The following CYSLTR1 variants were observed in gnomAD, a reference collection of about 807,000 sequenced individuals.
CYSLTR1 encodes the protein cysteinyl leukotriene receptor 1.
In CYSLTR1, 1 loss-of-function variant was observed where a neutral mutation model predicts 2.1. The observed-to-expected ratio is 0.48, with a 90% confidence interval of 0.17 to 2.28. The LOEUF (loss-of-function observed/expected upper bound fraction) is 2.28. Ranked by LOEUF, CYSLTR1 falls within the 30% of genes most tolerant of loss-of-function variation. The pLI is 0.26. For missense variants in CYSLTR1, 299 were observed against 250.1 expected (o/e 1.20, Z -1.32); for synonymous variants, 110 against 89.6 (o/e 1.23, Z -1.28).
intron 2 of CYSLTR1, among the ~76,000 whole-genome samples, chrX:78,274,505 C>T (rs1445367538): frequency 9.0e-6 from 1 of 111,629 alleles, no homozygotes; most frequent in Admixed American, 9.6e-5. Context: ...ATAAATGGTG[C>T]TGGGAAAACT....
intron 1 of CYSLTR1, among the ~76,000 whole-genome samples, chrX:78,324,798 C>T (rs895720340): frequency 8.9e-6 from 1 of 111,948 alleles, no homozygotes; most frequent in Non-Finnish European, 1.9e-5. Context: ...GCTTTTCTCA[C>T]TGACCCTTAA....
intron 1 of CYSLTR1, among the ~76,000 whole-genome samples, chrX:78,323,359 G>C (rs951317405): frequency 9.0e-6 from 1 of 111,712 alleles, no homozygotes; most frequent in Non-Finnish European, 1.9e-5. Context: ...TTGTTCTCTA[G>C]GAGATTGCTT....
intron 1 of CYSLTR1, among the ~76,000 whole-genome samples, chrX:78,285,633 C>T (rs1157814576): frequency 8.9e-6 from 1 of 111,809 alleles, no homozygotes; most frequent in African/African-American, 3.3e-5. Context: ...ATCTAGTTAT[C>T]CATTTCCATG....
intron 1 of CYSLTR1, among the ~76,000 whole-genome samples, chrX:78,324,577 A>G (rs999876292): frequency 3.6e-5 from 4 of 111,390 alleles, no homozygotes; most frequent in Non-Finnish European, 7.5e-5. Context: ...CATATTGGCC[A>G]GGATGGTCTC....
At chrX:78,324,976 T>G (rs181970936) in intron 1 of CYSLTR1, among the ~76,000 whole-genome samples, 5 of 111,965 alleles carry the variant, frequency 4.5e-5, no homozygotes, top group African/African-American at 1.6e-4. Flanking sequence ...AATCTGTGAT[T>G]GAACAAGTGG....
intron 2 of CYSLTR1, among the ~76,000 whole-genome samples, chrX:78,274,494 A>C (rs1921479938): frequency 8.9e-6 from 1 of 112,106 alleles, no homozygotes; most frequent in African/African-American, 3.2e-5. Context: ...TTCCCTATTT[A>C]ATAAATGGTG....
intron 1 of CYSLTR1, among the ~76,000 whole-genome samples, chrX:78,293,016 C>T (rs1183470829): frequency 9.0e-6 from 1 of 111,025 alleles, no homozygotes; most frequent in African/African-American, 3.3e-5. Context: ...TTGATCCTGC[C>T]ATTATGATGT....
chrX:78,276,171 C>T (rs757267020), intron 2 of CYSLTR1, among the ~76,000 whole-genome samples: 11 of 111,718 alleles, frequency 9.8e-5, no homozygotes, highest in Non-Finnish European at 1.3e-4. Flanking sequence ...ATAGTTGATA[C>T]TTACTCTAGT....
chrX:78,282,277 C>G (rs1279066228), intron 2 of CYSLTR1, among the ~76,000 whole-genome samples: 1 of 111,810 alleles, frequency 8.9e-6, no homozygotes, highest in Admixed American at 9.6e-5. Context: ...TCTAGAGAAA[C>G]TTAAATCTAT....
chrX:78,318,980 T>C (rs1923529748), intron 1 of CYSLTR1: 1 of 110,115 alleles, frequency 9.1e-6, no homozygotes, highest in Admixed American at 9.7e-5. Context: ...ACTTAAATAA[T>C]CAAGAGGTGA....
chrX:78,325,266 T>C (rs1923825146), intron 1 of CYSLTR1, among the ~76,000 whole-genome samples: 1 of 111,220 alleles, frequency 9.0e-6, no homozygotes, highest in Non-Finnish European at 1.9e-5. Flanking sequence ...TAGGATGAGG[T>C]TGCTGAGACT....
chrX:78,304,141 A>C, intron 1 of CYSLTR1, among the ~76,000 whole-genome samples: 1 of 111,969 alleles, frequency 8.9e-6, no homozygotes, highest in East Asian at 2.8e-4. Context: ...TAAAGGCAGC[A>C]CAGTTCTAGA....
rs2149179769 is a variant in CYSLTR1 at position 78,273,548 on chromosome X, C to T, written c.199G>A (p.Val67Ile). Residue 67 changes from valine (V) to isoleucine (I), a missense_variant, in exon 3 of 3, where the codon GTA becomes ATA. Val to Ile is a conservative substitution (Grantham distance 29). Transcript: ENST00000373304. ...GTGCACACACAAAGTAGATCTGCTA[C>T]TGCTAAATTAATCATGTATACTTGG... Reference protein sequence around the residue: ...AFQVYMINLAVADLLCVCTLP... With the variant: ...AFQVYMINLAIADLLCVCTLP... 1 of 1,211,675 alleles carries T rather than the reference C, an allele frequency of 8.3e-7. No homozygotes were observed. Among genetic ancestry groups the T allele is most frequent in the Non-Finnish European group, 1.1e-6 (1 of 895,452 alleles).
At chrX:78,293,823 G>T (rs139070335) in intron 1 of CYSLTR1, among the ~76,000 whole-genome samples, 1 of 111,885 alleles carries the variant, frequency 8.9e-6, no homozygotes, top group East Asian at 2.8e-4. Context: ...ATGGTTTTCA[G>T]CTCCTTCAGG....
At position 78,273,240 on chromosome X, in the gene CYSLTR1, A is replaced by G; in HGVS notation, c.507T>C (p.Asn169=). ...LMAKPQKDEK[N]NTKCFEPPQD... is the part of the protein sequence containing the mutation. Reference sequence around the variant, plus strand: ...GTGGGGGCTCAAAGCACTTGGTATTATTTTTCTCATCTTTTTGTGGTTTGG... The same window carrying G: ...GTGGGGGCTCAAAGCACTTGGTATTGTTTTTCTCATCTTTTTGTGGTTTGG... The change falls in exon 3 of 3, where the codon AAT becomes AAC. Residue 169 remains asparagine (N), a synonymous_variant. Coordinates refer to ENST00000373304, the MANE Select transcript of CYSLTR1 (RefSeq NM_006639.4). 1.7e-6 allele frequency: 2 copies of G among 1,210,253 alleles called. No individual in the cohort carries two copies. Among genetic ancestry groups the G allele is most frequent in the Non-Finnish European group, 2.2e-6 (2 of 895,002 alleles).
At chrX:78,274,350 C>T (rs1173872003) in intron 2 of CYSLTR1, among the ~76,000 whole-genome samples, 1 of 111,023 alleles carries the variant, frequency 9.0e-6, no homozygotes, top group East Asian at 2.8e-4. Context: ...CAGCATGGTA[C>T]TGGTACCAAA....
intron 1 of CYSLTR1, among the ~76,000 whole-genome samples, chrX:78,297,407 A>G (rs1320658000): frequency 1.8e-5 from 2 of 111,472 alleles, no homozygotes; most frequent in Non-Finnish European, 3.8e-5. Context: ...CTCTTAGGAT[A>G]AATTTGGAAG....
rs1311317839 is a variant in CYSLTR1 at position 78,272,636 on chromosome X, A to G, written c.*97T>C. ...GGCCCAAATAGTTAAGTATTTGTAA[A>G]ATATTAAGTAAAATTTTTATTTTTT... On this transcript the variant is annotated 3_prime_UTR_variant, in exon 3 of 3. Transcript: ENST00000373304. The G allele has an allele frequency of 3.4e-6, 3 of 872,991 alleles. No individual in the cohort carries two copies. In the African/African-American group the frequency reaches 6.2e-5, roughly 18 times the overall value. 71.9% of individuals were successfully genotyped at this position (872,991 alleles called of 1,213,427 possible). A position where few individuals can be genotyped will look rare whatever the true frequency, so the allele number is the denominator to read the frequency against.
chrX:78,287,885 A>T, intron 1 of CYSLTR1, among the ~76,000 whole-genome samples: 2 of 111,543 alleles, frequency 1.8e-5, no homozygotes, highest in Admixed American at 1.9e-4. Context: ...ATAAGTATAT[A>T]CATGTGTGAA....
Sources: allele counts gnomAD v4.1 joint callset (sites outside exome capture counted in the v4.1 genomes callset), GRCh38; gene constraint gnomAD v4.1.1; transcripts MANE v1.5; gene names NCBI Gene and HGNC (gene_info 2026-07-23, HGNC 2026-07-21).